CACNA2D1: variants seen among roughly 807,000 people sequenced by gnomAD.
The protein encoded by CACNA2D1 is voltage-dependent calcium channel subunit alpha-2/delta-1.
Under a neutral mutation model 171.5 loss-of-function variants are expected in CACNA2D1, and 53 were observed. The ratio of observed to expected loss-of-function variants is 0.31; its 90% CI spans 0.25 to 0.39. The LOEUF (loss-of-function observed/expected upper bound fraction) is 0.39. CACNA2D1 is among the 10% of genes least tolerant of loss of function. The pLI, the probability that CACNA2D1 is intolerant of heterozygous loss-of-function variation, is 1.00. For synonymous variants in CACNA2D1, 442 were observed against 443.1 expected (o/e 1.00, Z 0.03); for missense variants, 903 against 1,299.8 (o/e 0.69, Z 4.69).
chr7:82,297,636 G>A (rs1236779900), intron 3 of CACNA2D1, among the ~76,000 whole-genome samples: 3 of 152,116 alleles, frequency 2.0e-5, no homozygotes, highest in Non-Finnish European at 4.4e-5. Flanking sequence ...CAATGGCTAC[G>A]TTTTTATTCC....
chr7:82,347,594 C>T (rs548689562), intron 2 of CACNA2D1, among the ~76,000 whole-genome samples: 1 of 152,282 alleles, frequency 6.6e-6, no homozygotes, highest in African/African-American at 2.4e-5. Flanking sequence ...TGACATCCTT[C>T]AGCAAAAGGA....
chr7:82,084,910 A>C lies in CACNA2D1; in HGVS notation c.527-10T>G, dbSNP rs766364948. 2 of 1,607,754 alleles carry C rather than the reference A, an allele frequency of 1.2e-6. No homozygotes were observed. The highest frequency in any genetic ancestry group is 1.7e-6 in the Non-Finnish European group (2 of 1,174,180). The stretch of plus-strand genomic sequence containing the variant: ...TTTAACACAATTGTTGCTAACAAAA[A>C]AGAGAGAAACCATTAATTAATTCAA... On this transcript the variant is annotated splice_polypyrimidine_tract_variant and intron_variant, in intron 6 of 38. Coordinates refer to ENST00000356860, the MANE Select transcript of CACNA2D1 (RefSeq NM_000722.4).
intron 6 of CACNA2D1, among the ~76,000 whole-genome samples, chr7:82,112,316 A>G (rs1266626162): frequency 2.0e-5 from 3 of 152,162 alleles, no homozygotes; most frequent in African/African-American, 7.2e-5. Context: ...TTCAAAGCTA[A>G]TTACAAAGAA....
chr7:82,000,771 C>CTTTTTTTTT lies in CACNA2D1; in HGVS notation c.1591-3530_1591-3522dup, dbSNP rs774565705. ...TACCATGCCTAACTAATTTTTCTTT[C>CTTTTTTTTT]TTTTTTTTTTTTTTTTTTTTTTTTT... On this transcript the variant is annotated intron_variant, in intron 18 of 38. Coordinates refer to ENST00000356860, the MANE Select transcript of CACNA2D1 (RefSeq NM_000722.4). 3.3e-3 allele frequency among the ~76,000 whole-genome samples: 171 copies of CTTTTTTTTT among 51,968 alleles called. 40 individuals are homozygous for CTTTTTTTTT. Among genetic ancestry groups the CTTTTTTTTT allele is most frequent in the Non-Finnish European group, 4.8e-3 (133 of 27,702 alleles). 34.1% of individuals were successfully genotyped at this position (51,968 alleles called of 152,430 possible). A position where few individuals can be genotyped will look rare whatever the true frequency, so the allele number is the denominator to read the frequency against.
chr7:82,368,812 C>T (rs991456266), intron 1 of CACNA2D1, among the ~76,000 whole-genome samples: 2 of 152,152 alleles, frequency 1.3e-5, no homozygotes, highest in South Asian at 4.1e-4. Flanking sequence ...AACTAATCCT[C>T]CTACACTTCC....
chr7:82,115,526 T>TAC (rs1056762078), intron 6 of CACNA2D1, among the ~76,000 whole-genome samples: 26 of 151,718 alleles, frequency 1.7e-4, no homozygotes, highest in Non-Finnish European at 2.5e-4. Context: ...ACTATATCTA[T>TAC]ACACACACAC....
intron 4 of CACNA2D1, among the ~76,000 whole-genome samples, chr7:82,157,544 G>A (rs1794491332): frequency 6.6e-6 from 1 of 151,988 alleles, no homozygotes; most frequent in South Asian, 2.1e-4. Flanking sequence ...TAAAAATAGA[G>A]ACAATTCTGG....
intron 20 of CACNA2D1, among the ~76,000 whole-genome samples, chr7:81,992,416 G>C (rs532090523): frequency 6.6e-6 from 1 of 152,070 alleles, no homozygotes; most frequent in Non-Finnish European, 1.5e-5. Context: ...GAATGTGTGC[G>C]TGTTTGTGTG....
intron 6 of CACNA2D1, among the ~76,000 whole-genome samples, chr7:82,113,216 C>G (rs981873596): frequency 6.6e-6 from 1 of 152,074 alleles, no homozygotes; most frequent in Admixed American, 6.5e-5. Context: ...AAAGAACTAT[C>G]AATACAAATT....
intron 2 of CACNA2D1, among the ~76,000 whole-genome samples, chr7:82,348,724 T>C (rs1041764193): frequency 6.6e-6 from 1 of 152,164 alleles, no homozygotes; most frequent in African/African-American, 2.4e-5. Context: ...TAAAAAGTCA[T>C]GCTATATATG....
Position 82,443,398 on chromosome 7 carries a change from G to A in CACNA2D1, c.62C>T (p.Pro21Leu), listed in dbSNP as rs754470299. The change falls in exon 1 of 39, where the codon CCC becomes CTC. Residue 21 changes from proline to leucine, a missense_variant. This residue lies in a region of CACNA2D1 where 41 missense variants were observed against 27.6 expected (regional missense o/e 1.49). Transcript: ENST00000356860. ...CGAAGGGAACGGCTCCTCCGACGAGGGGCCGATGAGCAAAGATTGGAAAAG... is the reference window on the plus strand; with the variant it reads ...CGAAGGGAACGGCTCCTCCGACGAGAGGCCGATGAGCAAAGATTGGAAAAG... ...LTLFQSLLIG[P>L]SSEEPFPSAV... 5.6e-6 allele frequency: 9 copies of A among 1,605,892 alleles called. No homozygotes were observed. The East Asian group carries it at 1.1e-4, about 20-fold the overall frequency.
At chr7:82,171,355 T>C (rs1796000291) in intron 3 of CACNA2D1, among the ~76,000 whole-genome samples, 1 of 152,058 alleles carries the variant, frequency 6.6e-6, no homozygotes, top group South Asian at 2.1e-4. Flanking sequence ...ACTTTTCTCT[T>C]TGTATTTTTC....
intron 1 of CACNA2D1, among the ~76,000 whole-genome samples, chr7:82,436,022 T>G (rs745661162): frequency 3.9e-5 from 6 of 152,206 alleles, no homozygotes; most frequent in Non-Finnish European, 8.8e-5. Flanking sequence ...CATGCTCTGA[T>G]GTATCCCAGT....
chr7:82,437,647 G>A (rs374846534), intron 1 of CACNA2D1, among the ~76,000 whole-genome samples: 1 of 152,050 alleles, frequency 6.6e-6, no homozygotes, highest in Non-Finnish European at 1.5e-5. Context: ...AAAGTGTGCC[G>A]GTTTGTTGAG....
rs141705115 is a variant in CACNA2D1 at position 82,418,192 on chromosome 7, T to C, written c.95+25173A>G. ...GCCCAGCAAAGGAGGAAGTTCCTTA[T>C]AAAACCATCAAATCTCATGAGAACG... On this transcript the variant is annotated intron_variant, in intron 1 of 38. Transcript: ENST00000356860. 6.9e-3 allele frequency among the ~76,000 whole-genome samples: 1,046 copies of C among 152,254 alleles called. 10 individuals are homozygous for C. The highest frequency in any genetic ancestry group is 0.024 in the Middle Eastern group (7 of 294).
chr7:82,145,677 TACAC>T (rs955069844), intron 4 of CACNA2D1, among the ~76,000 whole-genome samples: 29 of 147,384 alleles, frequency 2.0e-4, no homozygotes, highest in Admixed American at 3.4e-4. Context: ...CATACATACA[TACAC>T]ACACATTCTG....
At chr7:82,292,982 T>G (rs1811838159) in intron 3 of CACNA2D1, among the ~76,000 whole-genome samples, 1 of 152,072 alleles carries the variant, frequency 6.6e-6, no homozygotes, top group South Asian at 2.1e-4. Context: ...CCCCTTGATT[T>G]TTTTTCTTTC....
chr7:81,974,273 T>C (rs1795599150), intron 25 of CACNA2D1, among the ~76,000 whole-genome samples, 182 bp downstream of exon 25: 3 of 152,088 alleles, frequency 2.0e-5, no homozygotes, highest in African/African-American at 7.2e-5. Flanking sequence ...AACTAAATAA[T>C]GAAATAACAT....
intron 3 of CACNA2D1, among the ~76,000 whole-genome samples, chr7:82,224,729 T>G (rs924297068): frequency 3.9e-5 from 6 of 152,222 alleles, no homozygotes; most frequent in African/African-American, 1.2e-4. Context: ...AGTGGCTGTT[T>G]ACTCGTCCCC....
Sources: gnomAD v4.1 joint callset for allele counts (sites outside exome capture counted in the v4.1 genomes callset) on GRCh38, gnomAD v4.1.1 for gene constraint, gnomAD v4.1.1 regional missense constraint, MANE v1.5 for transcripts, NCBI Gene and HGNC (gene_info 2026-07-23, HGNC 2026-07-21) for gene names.